SPAG1: variants seen among roughly 807,000 people sequenced by gnomAD.
SPAG1 encodes the protein sperm-associated antigen 1.
In SPAG1, 69 loss-of-function variants were observed where a neutral mutation model predicts 100.5. The ratio of observed to expected loss-of-function variants is 0.69; its 90% CI spans 0.57 to 0.84. SPAG1 has a LOEUF of 0.84. Among genes scored for constraint, SPAG1 ranks in the 40% least tolerant of loss-of-function variants. The pLI, the probability that SPAG1 is intolerant of heterozygous loss-of-function variation, is 0.00. For synonymous variants in SPAG1, 336 were observed against 411.6 expected (o/e 0.82, Z 2.22); for missense variants, 955 against 1,133.1 (o/e 0.84, Z 2.26).
intron 1 of SPAG1, among the ~76,000 whole-genome samples, chr8:100,159,781 T>C (rs73696160): frequency 0.025 from 3,767 of 152,322 alleles, 152 homozygotes; most frequent in African/African-American, 0.086. Context: ...ACTAAATTTA[T>C]TTATGGGTTG....
chr8:100,235,388 G>A (rs909068937), intron 16 of SPAG1, among the ~76,000 whole-genome samples: 6 of 152,220 alleles, frequency 3.9e-5, no homozygotes, highest in African/African-American at 1.4e-4. Flanking sequence ...CATAACAGAA[G>A]GGAAGGGGCC....
rs1053987445 is a variant in SPAG1 at position 100,207,787 on chromosome 8, G to T, written c.1097-5303G>T. 5.9e-5 allele frequency among the ~76,000 whole-genome samples: 9 copies of T among 152,178 alleles called. No individual in the cohort carries two copies. The East Asian group carries it at 1.7e-3, about 29-fold the overall frequency. ...CTCACTTTATGGCTAAAGAAGTGTG[G>T]CAGTGGGCTCATACTCATGGAATTC... On this transcript the variant is annotated intron_variant, in intron 10 of 18. Coordinates refer to ENST00000388798, the MANE Select transcript of SPAG1 (RefSeq NM_003114.5).
rs531795080 is a variant in SPAG1, at chr8:100,228,529, A to G, written c.1856-2627A>G. 6.5e-3 allele frequency among the ~76,000 whole-genome samples: 989 copies of G among 152,218 alleles called. 6 individuals are homozygous for G. Among genetic ancestry groups the G allele is most frequent in the Non-Finnish European group, 7.9e-3 (539 of 68,014 alleles). ...GGAGTTTGAGACCAGACTAGGCAAC[A>G]TGGCAAAACCCTGTCTCTACTAAAA... On this transcript the variant is annotated intron_variant, in intron 14 of 18. Coordinates refer to ENST00000388798, the MANE Select transcript of SPAG1 (RefSeq NM_003114.5).
chr8:100,175,665 T>C (rs544980910), intron 3 of SPAG1, among the ~76,000 whole-genome samples: 1 of 152,300 alleles, frequency 6.6e-6, no homozygotes, highest in South Asian at 2.1e-4. Context: ...TAGGGGTAAG[T>C]AGACCACTTG....
intron 10 of SPAG1, 80 bp downstream of exon 10, chr8:100,194,348 A>C: frequency 6.5e-7 from 1 of 1,546,276 alleles, no homozygotes; most frequent in Non-Finnish European, 8.8e-7. Flanking sequence ...CTATTCGTAC[A>C]GAAATTCGTA....
chr8:100,170,837 A>T (rs11992960), intron 3 of SPAG1, among the ~76,000 whole-genome samples: 4,159 of 81,432 alleles, frequency 0.051, 93 homozygotes, highest in Admixed American at 0.079. Context: ...TTATTTATTT[A>T]TTTATTTATT....
chr8:100,210,898 G>A (rs1817692117), intron 10 of SPAG1, among the ~76,000 whole-genome samples: 1 of 151,416 alleles, frequency 6.6e-6, no homozygotes, highest in South Asian at 2.1e-4. Flanking sequence ...TGTGATCTTG[G>A]CTCACTGCAA....
chr8:100,210,732 G>A (rs1239916710), intron 10 of SPAG1, among the ~76,000 whole-genome samples: 1 of 151,870 alleles, frequency 6.6e-6, no homozygotes, highest in Non-Finnish European at 1.5e-5. Context: ...TGTTGCCCAG[G>A]CTTGCTTCAA....
intron 3 of SPAG1, among the ~76,000 whole-genome samples, chr8:100,173,350 C>T (rs1335084642): frequency 6.6e-6 from 1 of 152,032 alleles, no homozygotes; most frequent in Non-Finnish European, 1.5e-5. Flanking sequence ...TTCTTTCTCG[C>T]TCCCTTCCTC....
chr8:100,164,237 T>C (rs1300045412), intron 2 of SPAG1, among the ~76,000 whole-genome samples: 1 of 152,158 alleles, frequency 6.6e-6, no homozygotes, highest in Non-Finnish European at 1.5e-5. Context: ...AAATTCTCTT[T>C]CTGCTAGTCT....
In SPAG1 at chr8:100,240,521, T is replaced by C. The variant is rs199998543; in HGVS notation, c.2399T>C (p.Ile800Thr). The part of the protein sequence containing the change: ...RSPEDPEKLP[I>T]AKPNNAYEFG... ...CCAGAAGACCCTGAGAAACTTCCGA[T>C]AGCCAAGCCTAATAATGCCTATGAA... is the stretch of plus-strand genomic sequence containing the variant. The change falls in exon 18 of 19, where the codon ATA becomes ACA. Residue 800 changes from isoleucine (I) to threonine (T), a missense_variant. By Grantham distance (89) the Ile-to-Thr change is moderately conservative. Transcript: ENST00000388798. The C allele has an allele frequency of 2.3e-5, 37 of 1,614,062 alleles. No homozygotes were observed. Among genetic ancestry groups the C allele is most frequent in the Non-Finnish European group, 2.9e-5 (34 of 1,180,032 alleles).
chr8:100,208,517 G>A (rs1817597565), intron 10 of SPAG1, among the ~76,000 whole-genome samples: 1 of 152,226 alleles, frequency 6.6e-6, no homozygotes, highest in Non-Finnish European at 1.5e-5. Context: ...GGTGCTTGCT[G>A]AAGGCAAAGG....
At chr8:100,198,099 A>G (rs1473597698) in intron 10 of SPAG1, among the ~76,000 whole-genome samples, 1 of 152,222 alleles carries the variant, frequency 6.6e-6, no homozygotes, top group Non-Finnish European at 1.5e-5. Context: ...ACGCAATCAG[A>G]GGAAAGTGAG....
At chr8:100,176,306 G>T (rs1586409266) in intron 3 of SPAG1, among the ~76,000 whole-genome samples, 1 of 150,598 alleles carries the variant, frequency 6.6e-6, no homozygotes, top group South Asian at 2.1e-4. Flanking sequence ...GTCATATAAT[G>T]ACTTTGCTTT....
At chr8:100,162,584 T>C (rs1164966385) in intron 2 of SPAG1, among the ~76,000 whole-genome samples, 164 bp downstream of exon 2, 1 of 152,232 alleles carries the variant, frequency 6.6e-6, no homozygotes, top group Non-Finnish European at 1.5e-5. Flanking sequence ...GAGTTCCACC[T>C]AGGTCTACTG....
Position 100,223,363 on chromosome 8 carries a change from G to T in SPAG1, c.1689-1810G>T, listed in dbSNP as rs145543938. Among the ~76,000 whole-genome samples the T allele has an allele frequency of 5.3e-3, 807 of 152,084 alleles. 4 individuals are homozygous for T. The highest frequency in any genetic ancestry group is 8.3e-3 in the Non-Finnish European group (562 of 67,978). ...ATATTTGTTATATGTACTCAGGAAGGTTCATTTAAAGTAATTGACTTTTAA... is the reference window on the plus strand; with the variant it reads ...ATATTTGTTATATGTACTCAGGAAGTTTCATTTAAAGTAATTGACTTTTAA... On this transcript the variant is annotated intron_variant, in intron 13 of 18. Transcript: ENST00000388798.
intron 8 of SPAG1, among the ~76,000 whole-genome samples, chr8:100,189,483 A>T (rs1328967176): frequency 6.6e-6 from 1 of 151,838 alleles, no homozygotes; most frequent in Non-Finnish European, 1.5e-5. Flanking sequence ...TCTCAAAAAA[A>T]ACCATAATAA....
intron 15 of SPAG1, among the ~76,000 whole-genome samples, chr8:100,232,425 T>A (rs1199931406): frequency 6.6e-6 from 1 of 152,148 alleles, no homozygotes; most frequent in Non-Finnish European, 1.5e-5. Flanking sequence ...TACAATGATG[T>A]CTTCCAAATC....
chr8:100,222,702 G>A (rs1818337976), intron 13 of SPAG1, among the ~76,000 whole-genome samples: 1 of 152,194 alleles, frequency 6.6e-6, no homozygotes, highest in Non-Finnish European at 1.5e-5. Context: ...GTTGAAGGGA[G>A]AAATGGGTCT....
Sources: gnomAD v4.1 joint callset for allele counts (sites outside exome capture counted in the v4.1 genomes callset) on GRCh38, gnomAD v4.1.1 for gene constraint, MANE v1.5 for transcripts, NCBI Gene and HGNC (gene_info 2026-07-23, HGNC 2026-07-21) for gene names.